Variants in RGL4 observed in about 807,000 individuals in gnomAD.
The protein encoded by RGL4 is ral guanine nucleotide dissociation stimulator like 4, also known as ral-GDS-related protein.
In RGL4, 41 loss-of-function variants were observed where a neutral mutation model predicts 49.6. The ratio of observed to expected loss-of-function variants is 0.83; its 90% CI spans 0.64 to 1.07. RGL4 has a LOEUF of 1.07. Ranked by LOEUF, RGL4 falls within the 50% of genes least tolerant of loss-of-function variation. The pLI, the probability that RGL4 is intolerant of heterozygous loss-of-function variation, is 0.00. For missense variants in RGL4, 610 were observed against 591.9 expected (o/e 1.03, Z -0.32); for synonymous variants, 255 against 238.0 (o/e 1.07, Z -0.66).
intron 6 of RGL4, chr22:23,696,372 C>A: frequency 6.3e-6 from 9 of 1,435,780 alleles, no homozygotes; most frequent in Non-Finnish European, 8.3e-6. Context: ...GGAAACTGAG[C>A]CCTCAGAGGC....
intron 10 of RGL4, 199 bp downstream of exon 10, chr22:23,698,532 C>G: frequency 1.4e-6 from 1 of 733,778 alleles, no homozygotes; most frequent in Non-Finnish European, 2.4e-6. Context: ...TCCGGTTGTT[C>G]TGCTGTTGTT....
chr22:23,693,182 C>G, intron 3 of RGL4, 191 bp downstream of exon 3: 1 of 984,240 alleles, frequency 1.0e-6, no homozygotes, highest in Non-Finnish European at 1.4e-6. Flanking sequence ...ACATCACCAG[C>G]GCCAGCTGCA....
chr22:23,692,896 C>T lies in RGL4; in HGVS notation c.601C>T (p.Arg201Cys), dbSNP rs780372644. ...AGCCCCAGAGTCCTCCTGTCCCTGTCGTGGGTCTGTAAAGAACCAACCCAG... is the reference window on the plus strand; with the variant it reads ...AGCCCCAGAGTCCTCCTGTCCCTGTTGTGGGTCTGTAAAGAACCAACCCAG... ...QSAPESSCPC[R>C]GSVKNQPSEE... The change falls in exon 3 of 11, where the codon CGT (arginine) becomes TGT (cysteine). Residue 201 changes from arginine (R) to cysteine (C), a missense_variant. Transcript: ENST00000290691. 5.0e-6 allele frequency: 8 copies of T among 1,613,514 alleles called. No homozygotes were observed. The East Asian group carries it at 6.7e-5, about 13-fold the overall frequency.
Position 23,695,891 on chromosome 22 carries a change from G to A in RGL4, c.1087-723G>A, listed in dbSNP as rs541808644. Among the ~76,000 whole-genome samples the A allele has an allele frequency of 8.5e-5, 13 of 152,288 alleles. No homozygotes were observed. In the South Asian group the frequency reaches 1.7e-3, roughly 19 times the overall value. On this transcript the variant is annotated intron_variant, in intron 6 of 10. Coordinates refer to ENST00000290691, the MANE Select transcript of RGL4 (RefSeq NM_153615.2). Reference sequence around the variant, plus strand: ...CCTCAGTGGAGAAAGAGAGAGTTCCGTGCACGGAACTCCCCTGGGGGATCA... The same window carrying A: ...CCTCAGTGGAGAAAGAGAGAGTTCCATGCACGGAACTCCCCTGGGGGATCA...
intron 4 of RGL4, 137 bp from the exon 5 acceptor site, chr22:23,694,210 C>T: frequency 6.6e-6 from 5 of 762,510 alleles, no homozygotes; most frequent in East Asian, 2.6e-5. Flanking sequence ...GTGACATCCA[C>T]TCGGCCCCAG....
rs1923198149 is a variant in RGL4, at chr22:23,692,423, C to G, written c.268C>G (p.Leu90Val). Residue 90 changes from leucine (L) to valine (V), a missense_variant, in exon 2 of 11, where the codon CTG (leucine) becomes GTG (valine). By Grantham distance (32) the Leu-to-Val change is conservative. Transcript: ENST00000290691. The part of the protein sequence containing the change: ...PPQRSSFRIK[L>V]AFRNLSWPGL... The stretch of plus-strand genomic sequence containing the variant: ...GCAACGGTCATCTTTCCGGATAAAG[C>G]TGGCCTTCAGGAACCTCTCCTGGCC... 1.9e-6 allele frequency: 3 copies of G among 1,614,222 alleles called. No homozygotes were observed. The highest frequency in any genetic ancestry group is 2.5e-6 in the Non-Finnish European group (3 of 1,180,046).
intron 5 of RGL4, chr22:23,694,730 C>A (rs1214137704): frequency 1.2e-5 from 7 of 597,374 alleles, no homozygotes; most frequent in Non-Finnish European, 1.8e-5. Context: ...TGAAAGCTAA[C>A]TGTAAACACG....
intron 3 of RGL4, 32 bp downstream of exon 3, chr22:23,693,023 T>C: frequency 6.4e-7 from 1 of 1,553,556 alleles, no homozygotes; most frequent in Non-Finnish European, 8.7e-7. Flanking sequence ...GCTGTGTCTC[T>C]GGCACCAGCT....
rs759520288 is a variant in RGL4 at position 23,696,556 on chromosome 22, G to A, written c.1087-58G>A. 4.0e-5 allele frequency: 65 copies of A among 1,611,678 alleles called. 2 individuals are homozygous for A. In the South Asian group the frequency reaches 7.2e-4, roughly 18 times the overall value. On this transcript the variant is annotated intron_variant, in intron 6 of 10. Transcript: ENST00000290691. The stretch of plus-strand genomic sequence containing the variant: ...TGGGGATCCAAGTGCGGGGTGGCTG[G>A]GGTGTAACTGGGGGAGAGGAGGAGA...
In RGL4 at chr22:23,692,143, C is replaced by G; in HGVS notation, c.113C>G (p.Thr38Arg). The G allele has an allele frequency of 6.2e-7, 1 of 1,614,168 alleles. No individual in the cohort carries two copies. Among genetic ancestry groups the G allele is most frequent in the Non-Finnish European group, 8.5e-7 (1 of 1,180,028 alleles). ...AATGTCTGTGGGACGCCAGGGCGCA[C>G]GAGGGTCTGTACAGCCCTGCTGTAT... ...EENVCGTPGRTRVCTALLYGQ... is the reference protein window; with the variant it reads ...EENVCGTPGRRRVCTALLYGQ... Residue 38 changes from threonine to arginine, a missense_variant, in exon 1 of 11, where the codon ACG (threonine) becomes AGG (arginine). Transcript: ENST00000290691.
intron 6 of RGL4, chr22:23,696,369 G>A (rs1043051534): frequency 4.2e-6 from 6 of 1,433,646 alleles, no homozygotes; most frequent in African/African-American, 1.4e-5. Context: ...ACAGGAAACT[G>A]AGCCCTCAGA....
chr22:23,697,787 G>C (rs1220258477), intron 8 of RGL4, 51 bp from the exon 9 acceptor site: 1 of 1,578,738 alleles, frequency 6.3e-7, no homozygotes, highest in African/African-American at 1.3e-5. Flanking sequence ...GGGTGGGGTG[G>C]GGCTGGTTGT....
Position 23,692,268 on chromosome 22 carries a change from G to A in RGL4, c.179+59G>A, listed in dbSNP as rs2123854640. The A allele has an allele frequency of 4.4e-6, 7 of 1,607,938 alleles. No homozygotes were observed. The Admixed American group carries it at 1.2e-4, about 27-fold the overall frequency. Reference sequence around the variant, plus strand: ...CAGGCCAGGGACCCAGAACCACGCAGGGGTGCCCTGGAGGGTTGTGTGGGA... The same window carrying A: ...CAGGCCAGGGACCCAGAACCACGCAAGGGTGCCCTGGAGGGTTGTGTGGGA... On this transcript the variant is annotated intron_variant, in intron 1 of 10. Coordinates refer to ENST00000290691, the MANE Select transcript of RGL4 (RefSeq NM_153615.2).
At chr22:23,694,241 C>A in intron 4 of RGL4, 106 bp from the exon 5 acceptor site, 1 of 941,438 alleles carries the variant, frequency 1.1e-6, no homozygotes, top group Non-Finnish European at 1.7e-6. Context: ...CTGAGGCTCC[C>A]CAGGCCTCTG....
Position 23,691,896 on chromosome 22 carries a change from TG to T in RGL4, c.-131del. 2 of 828,654 alleles carry T rather than the reference TG, an allele frequency of 2.4e-6. No individual in the cohort carries two copies. Among genetic ancestry groups the T allele is most frequent in the South Asian group, 1.7e-5 (1 of 58,110 alleles). 51.3% of individuals were successfully genotyped at this position (828,654 alleles called of 1,614,324 possible). A position where few individuals can be genotyped will look rare whatever the true frequency, so the allele number is the denominator to read the frequency against. ...GTCCCCTGCAAAGCAGAGGGGAGGCTGGGGTCACAGCTGGCCACTGAGAGAC... is the reference window on the plus strand; with the variant it reads ...GTCCCCTGCAAAGCAGAGGGGAGGCTGGGTCACAGCTGGCCACTGAGAGAC... On this transcript the variant is annotated 5_prime_UTR_variant, in exon 1 of 11. Transcript: ENST00000290691.
Position 23,691,796 on chromosome 22 carries a change from T to C in RGL4, c.-235T>C, listed in dbSNP as rs977034867. On this transcript the variant is annotated 5_prime_UTR_variant, in exon 1 of 11. Coordinates refer to ENST00000290691, the MANE Select transcript of RGL4 (RefSeq NM_153615.2). ...GCTCTGGGGCTCATACTTCTTATAA[T>C]TCCCACGAGAAGGCTGACATCTGGG... 1.2e-5 allele frequency: 6 copies of C among 482,874 alleles called. No individual in the cohort carries two copies. Among genetic ancestry groups the C allele is most frequent in the Middle Eastern group, 5.4e-4 (1 of 1,838 alleles). 29.9% of individuals were successfully genotyped at this position (482,874 alleles called of 1,614,324 possible).
intron 6 of RGL4, among the ~76,000 whole-genome samples, chr22:23,695,953 G>A (rs965375399): frequency 6.6e-6 from 1 of 152,250 alleles, no homozygotes; most frequent in Admixed American, 6.5e-5. Flanking sequence ...CTCAAACCCA[G>A]TTTGCGTGGC....
intron 8 of RGL4, 144 bp downstream of exon 8, chr22:23,697,389 C>A: frequency 1.5e-6 from 1 of 659,538 alleles, no homozygotes. Context: ...GTGGGGGTGT[C>A]AGGCCCATCT....
At chr22:23,693,235 G>A (rs1923256879) in intron 3 of RGL4, 3 of 661,784 alleles carry the variant, frequency 4.5e-6, no homozygotes, top group Non-Finnish European at 7.3e-6. Flanking sequence ...TGGACAGAAA[G>A]CAGGGCAGGG....
Sources: gnomAD v4.1 joint callset for allele counts (sites outside exome capture counted in the v4.1 genomes callset) on GRCh38, gnomAD v4.1.1 for gene constraint, MANE v1.5 for transcripts, NCBI Gene and HGNC (gene_info 2026-07-23, HGNC 2026-07-21) for gene names.